Variants in PATJ observed in about 807,000 individuals in gnomAD.
PATJ encodes PATJ crumbs cell polarity complex component.
Under a neutral mutation model 224.9 loss-of-function variants are expected in PATJ, and 190 were observed. The observed-to-expected ratio is 0.84, with a 90% CI of 0.75 to 0.95. PATJ has a LOEUF of 0.95. Ranked by LOEUF, PATJ falls within the 40% of genes least tolerant of loss-of-function variation. The pLI is 0.00. For synonymous variants in PATJ, 769 were observed against 820.3 expected (o/e 0.94, Z 1.07); for missense variants, 2,121 against 2,270.3 (o/e 0.93, Z 1.34).
intron 17 of PATJ, among the ~76,000 whole-genome samples, chr1:61,841,208 TTTTG>T (rs1217273904): frequency 2.0e-5 from 3 of 152,172 alleles, no homozygotes; most frequent in Admixed American, 2.0e-4. Flanking sequence ...CTTGTTTTAC[TTTTG>T]TTTATTAGAG....
intron 29 of PATJ, among the ~76,000 whole-genome samples, chr1:62,019,080 T>C (rs775909398): frequency 1.3e-5 from 2 of 151,744 alleles, no homozygotes; most frequent in Non-Finnish European, 2.9e-5. Context: ...CTGTCTCTAC[T>C]AAAAAATACA....
rs1481471654 is a variant in PATJ, at chr1:61,811,055, C to A, written c.1683+2525C>A. On this transcript the variant is annotated intron_variant, in intron 14 of 43. Transcript: ENST00000642238. ...ATGCAGAATTTCATAGCTGTGTAAT[C>A]TTAGAAAATGATCTAAAGTCCATGT... Among the ~76,000 whole-genome samples, 5 of 152,078 alleles carry A rather than the reference C, an allele frequency of 3.3e-5. No homozygotes were observed. In the East Asian group the frequency reaches 9.6e-4, roughly 29 times the overall value.
chr1:61,781,859 G>A (rs149314924), intron 7 of PATJ, among the ~76,000 whole-genome samples: 15 of 152,332 alleles, frequency 9.8e-5, no homozygotes, highest in Middle Eastern at 3.4e-3. Flanking sequence ...GAGACTGGAG[G>A]AAACCAGGCA....
At chr1:62,132,762 T>G (rs1263425663) in intron 41 of PATJ, among the ~76,000 whole-genome samples, 3 of 151,690 alleles carry the variant, frequency 2.0e-5, no homozygotes, top group Non-Finnish European at 4.4e-5. Flanking sequence ...AAATTAGTCG[T>G]GCATAGTGGC....
chr1:62,066,035 C>G (rs1656356415), intron 31 of PATJ, among the ~76,000 whole-genome samples: 1 of 152,202 alleles, frequency 6.6e-6, no homozygotes, highest in South Asian at 2.1e-4. Flanking sequence ...AATCTACCTT[C>G]TCTTTCAGAA....
At chr1:62,157,058 T>C (rs1267088836) in intron 43 of PATJ, among the ~76,000 whole-genome samples, 1 of 152,106 alleles carries the variant, frequency 6.6e-6, no homozygotes, top group Non-Finnish European at 1.5e-5. Flanking sequence ...GCACGGTGGC[T>C]CACGCCTGTA....
chr1:62,099,347 C>CTTTTTTTTTTTTTTTTTTTTTTT (rs71050197), intron 33 of PATJ, among the ~76,000 whole-genome samples: 7 of 55,676 alleles, frequency 1.3e-4, no homozygotes, highest in South Asian at 6.6e-4. Context: ...ATATCTCCAA[C>CTTTTTTTTTTTTTTTTTTTTTTT]TTTTTTTTTT....
intron 43 of PATJ, among the ~76,000 whole-genome samples, chr1:62,155,015 T>G (rs1669036732): frequency 6.6e-6 from 1 of 152,150 alleles, no homozygotes; most frequent in Admixed American, 6.5e-5. Context: ...ATCCCCAAGG[T>G]AGATAAACCA....
At chr1:61,858,799 C>G (rs1283548864) in intron 18 of PATJ, among the ~76,000 whole-genome samples, 2 of 152,124 alleles carry the variant, frequency 1.3e-5, no homozygotes, top group Non-Finnish European at 2.9e-5. Flanking sequence ...GCATGGGAGA[C>G]CAAAAGGTGG....
intron 14 of PATJ, among the ~76,000 whole-genome samples, chr1:61,818,236 A>G (rs541150222): frequency 1.0e-3 from 154 of 152,370 alleles, no homozygotes; most frequent in Middle Eastern, 3.4e-3. Context: ...CACAATGGCC[A>G]TGCTTCCCTT....
intron 27 of PATJ, among the ~76,000 whole-genome samples, chr1:61,943,266 T>C (rs999572712): frequency 4.6e-5 from 7 of 152,192 alleles, no homozygotes; most frequent in Admixed American, 4.6e-4. Context: ...TGTCAGACAG[T>C]AGGTGCAGCC....
chr1:61,886,633 A>G (rs764158712), intron 22 of PATJ, among the ~76,000 whole-genome samples: 78 of 151,686 alleles, frequency 5.1e-4, no homozygotes, highest in Non-Finnish European at 5.6e-4. Flanking sequence ...TAGCCTGGCC[A>G]ACATGGTGAA....
chr1:62,110,041 G>C (rs1258692858), intron 34 of PATJ, among the ~76,000 whole-genome samples: 1 of 152,178 alleles, frequency 6.6e-6, no homozygotes, highest in Non-Finnish European at 1.5e-5. Flanking sequence ...TTTTAAGTGA[G>C]AGGAGAATTT....
At chr1:61,867,711 T>G (rs1228805415) in intron 20 of PATJ, among the ~76,000 whole-genome samples, 1 of 152,088 alleles carries the variant, frequency 6.6e-6, no homozygotes, top group African/African-American at 2.4e-5. Flanking sequence ...CTTTAAGTAA[T>G]TATATGTGCT....
intron 1 of PATJ, among the ~76,000 whole-genome samples, chr1:61,759,401 T>C (rs11807037): frequency 0.26 from 36,621 of 143,064 alleles, 4,634 homozygotes; most frequent in East Asian, 0.46. Context: ...TATTTCATCA[T>C]TTTAATTGCT....
At chr1:62,050,312 C>T (rs774763559) in intron 30 of PATJ, among the ~76,000 whole-genome samples, 1 of 152,110 alleles carries the variant, frequency 6.6e-6, no homozygotes, top group African/African-American at 2.4e-5. Flanking sequence ...TAACTCAAAC[C>T]GGTTGAAGCA....
chr1:61,990,374 A>G lies in PATJ; in HGVS notation c.3867+10A>G. 3.1e-6 allele frequency: 5 copies of G among 1,602,336 alleles called. No individual in the cohort carries two copies. The highest frequency in any genetic ancestry group is 3.4e-6 in the Non-Finnish European group (4 of 1,173,676). On this transcript the variant is annotated intron_variant, in intron 28 of 43. Coordinates refer to ENST00000642238, the MANE Select transcript of PATJ (RefSeq NM_001350145.3). Reference sequence around the variant, plus strand: ...AGATGAACTCTTAGAGGTGAGAAGCATGTGTTTTTAACTTATCTTTTGGTG... The same window carrying G: ...AGATGAACTCTTAGAGGTGAGAAGCGTGTGTTTTTAACTTATCTTTTGGTG...
intron 33 of PATJ, among the ~76,000 whole-genome samples, chr1:62,106,083 C>T (rs867822001): frequency 0.021 from 654 of 31,830 alleles, 21 homozygotes; most frequent in Non-Finnish European, 0.032. Context: ...TATATATACA[C>T]ACACACACAC....
At position 62,103,013 on chromosome 1, in the gene PATJ, A is replaced by G. The variant is rs79983706; in HGVS notation, c.4378-5424A>G. On this transcript the variant is annotated intron_variant, in intron 33 of 43. Transcript: ENST00000642238. ...GATCTACAGATCATCGCCTCGCCTC[A>G]TTAAGTCAAAGGCTTCAACTTCTGC... Among the ~76,000 whole-genome samples, 370 of 152,152 alleles carry G rather than the reference A, an allele frequency of 2.4e-3. 2 individuals carry two copies. Among genetic ancestry groups the G allele is most frequent in the African/African-American group, 8.5e-3 (354 of 41,508 alleles).
Sources: allele counts gnomAD v4.1 joint callset (sites outside exome capture counted in the v4.1 genomes callset), GRCh38; gene constraint gnomAD v4.1.1; transcripts MANE v1.5; gene names NCBI Gene and HGNC (gene_info 2026-07-23, HGNC 2026-07-21).